EXOC4: variants seen among roughly 807,000 people sequenced by gnomAD.
EXOC4 encodes exocyst complex component 4, also known as SEC8-like 1.
A neutral mutation model predicts 107.2 loss-of-function variants in EXOC4; 71 were observed. The ratio of observed to expected loss-of-function variants is 0.66; its 90% CI spans 0.55 to 0.81. The LOEUF (loss-of-function observed/expected upper bound fraction) is 0.81. Ranked by LOEUF, EXOC4 falls within the 30% of genes least tolerant of loss-of-function variation. The pLI is 0.00. For missense variants in EXOC4, 1,108 were observed against 1,189.6 expected (o/e 0.93, Z 1.01); for synonymous variants, 456 against 441.2 (o/e 1.03, Z -0.42).
intron 10 of EXOC4, among the ~76,000 whole-genome samples, chr7:133,682,568 CA>C (rs1203695071): frequency 2.0e-5 from 3 of 152,166 alleles, no homozygotes; most frequent in Non-Finnish European, 4.4e-5. Flanking sequence ...AGCATCAAAA[CA>C]AACTAATACA....
chr7:133,511,292 G>A (rs1287901629), intron 9 of EXOC4, among the ~76,000 whole-genome samples: 1 of 152,112 alleles, frequency 6.6e-6, no homozygotes, highest in Non-Finnish European at 1.5e-5. Flanking sequence ...TTTTAACAAA[G>A]GGTACTAAAT....
chr7:134,021,515 G>A (rs1003164248), intron 17 of EXOC4, among the ~76,000 whole-genome samples: 1 of 152,090 alleles, frequency 6.6e-6, no homozygotes, highest in African/African-American at 2.4e-5. Flanking sequence ...TTGCTGTGCT[G>A]TAGTTTTCCA....
At chr7:134,011,130 G>A (rs963481007) in intron 17 of EXOC4, among the ~76,000 whole-genome samples, 2 of 151,562 alleles carry the variant, frequency 1.3e-5, no homozygotes, top group African/African-American at 4.9e-5. Context: ...GTTAGAAGGT[G>A]GAAGGGCTTT....
At chr7:133,987,727 C>G (rs1794151924) in intron 14 of EXOC4, among the ~76,000 whole-genome samples, 1 of 152,180 alleles carries the variant, frequency 6.6e-6, no homozygotes, top group East Asian at 1.9e-4. Context: ...CCTTTCGTGC[C>G]GAGATAACCA....
At chr7:133,582,047 C>T (rs1801290183) in intron 9 of EXOC4, among the ~76,000 whole-genome samples, 1 of 152,048 alleles carries the variant, frequency 6.6e-6, no homozygotes, top group African/African-American at 2.4e-5. Context: ...CCTACCAGGC[C>T]CCTCCCCTGA....
intron 11 of EXOC4, among the ~76,000 whole-genome samples, chr7:133,820,306 G>A (rs931927607): frequency 2.0e-5 from 3 of 151,832 alleles, no homozygotes; most frequent in Admixed American, 6.6e-5. Context: ...AAGCAAACAA[G>A]GAGATGGTTA....
intron 17 of EXOC4, among the ~76,000 whole-genome samples, chr7:134,045,939 T>C (rs949614189): frequency 3.3e-5 from 5 of 152,224 alleles, no homozygotes; most frequent in Non-Finnish European, 5.9e-5. Context: ...AAATTAGCAC[T>C]TGTCTTAATA....
intron 10 of EXOC4, among the ~76,000 whole-genome samples, chr7:133,728,342 T>G (rs1251618005): frequency 6.6e-6 from 1 of 152,212 alleles, no homozygotes; most frequent in African/African-American, 2.4e-5. Flanking sequence ...TGTGACACTA[T>G]GTACTGGGGA....
intron 6 of EXOC4, among the ~76,000 whole-genome samples, chr7:133,369,800 C>CTTTTTTTT (rs35258276): frequency 1.0e-4 from 9 of 86,668 alleles, no homozygotes; most frequent in Middle Eastern, 0.012. Flanking sequence ...ACTAGATTTC[C>CTTTTTTTT]TTTTTTTTTT....
Position 133,445,031 on chromosome 7 carries a change from A to G in EXOC4, c.1183-30297A>G, listed in dbSNP as rs772989134. Among the ~76,000 whole-genome samples, 71 of 152,260 alleles carry G rather than the reference A, an allele frequency of 4.7e-4. 1 individual carries two copies. Among genetic ancestry groups the G allele is most frequent in the Admixed American group, 3.1e-3 (48 of 15,278 alleles). On this transcript the variant is annotated intron_variant, in intron 7 of 17. Transcript: ENST00000253861. ...ATGAGGCAGAACTTTGGGGGCATGA[A>G]TATGATTTTGTGTGTGTATGTTTTT... is the stretch of plus-strand genomic sequence containing the variant.
At chr7:133,839,987 A>G (rs554162544) in intron 11 of EXOC4, among the ~76,000 whole-genome samples, 1 of 152,354 alleles carries the variant, frequency 6.6e-6, no homozygotes, top group East Asian at 1.9e-4. Flanking sequence ...GCCATGATCT[A>G]CACATGTATA....
chr7:133,966,783 T>G (rs546954928), intron 14 of EXOC4, among the ~76,000 whole-genome samples: 1 of 152,232 alleles, frequency 6.6e-6, no homozygotes, highest in African/African-American at 2.4e-5. Flanking sequence ...GCCCTGAAAT[T>G]TTGTTGTTGT....
At chr7:133,764,387 C>T (rs1459824451) in intron 10 of EXOC4, among the ~76,000 whole-genome samples, 1 of 151,922 alleles carries the variant, frequency 6.6e-6, no homozygotes, top group Non-Finnish European at 1.5e-5. Flanking sequence ...CTTTCTCTTC[C>T]AGGACGAGAA....
chr7:133,540,724 T>C (rs1265276636), intron 9 of EXOC4, among the ~76,000 whole-genome samples: 3 of 152,200 alleles, frequency 2.0e-5, no homozygotes, highest in South Asian at 2.1e-4. Flanking sequence ...TTGCATGTTA[T>C]GGAACAATGT....
intron 10 of EXOC4, among the ~76,000 whole-genome samples, chr7:133,811,383 C>T (rs143186530): frequency 1.7e-3 from 258 of 152,220 alleles, no homozygotes; most frequent in Middle Eastern, 3.4e-3. Context: ...TTTGATTATT[C>T]TCTTCTATAC....
At chr7:134,083,037 G>GTGGA in the EXOC4 span, among the ~76,000 whole-genome samples, 3 of 152,210 alleles carry the variant, frequency 2.0e-5, no homozygotes, top group Non-Finnish European at 4.4e-5. Context: ...CTGGAAAAGG[G>GTGGA]TGGAATCTTT....
At chr7:133,976,020 A>G (rs1793824614) in intron 14 of EXOC4, among the ~76,000 whole-genome samples, 1 of 152,236 alleles carries the variant, frequency 6.6e-6, no homozygotes, top group Non-Finnish European at 1.5e-5. Flanking sequence ...AAAATGAAAG[A>G]AAAGCCCTGC....
intron 10 of EXOC4, among the ~76,000 whole-genome samples, chr7:133,800,714 A>G (rs549651473): frequency 2.0e-5 from 3 of 152,352 alleles, no homozygotes; most frequent in Non-Finnish European, 4.4e-5. Flanking sequence ...CATTGCTTTC[A>G]AAGTTTAGAT....
rs2151049364 is a variant in EXOC4 at position 133,663,631 on chromosome 7, A to G, written c.1514+33490A>G. On this transcript the variant is annotated intron_variant, in intron 10 of 17. Transcript: ENST00000253861. ...TTGCCCAGACCAGAATCCCAGGAGT[A>G]TCCCTTTTCTCACACACCTTAGAAG... 2.0e-5 allele frequency among the ~76,000 whole-genome samples: 3 copies of G among 152,246 alleles called. No individual in the cohort carries two copies. The South Asian group carries it at 6.2e-4, about 32-fold the overall frequency.
Sources: gnomAD v4.1 joint callset for allele counts (sites outside exome capture counted in the v4.1 genomes callset) on GRCh38, gnomAD v4.1.1 for gene constraint, MANE v1.5 for transcripts, NCBI Gene and HGNC (gene_info 2026-07-23, HGNC 2026-07-21) for gene names.